Variants in TFEC observed in about 807,000 individuals in gnomAD.
TFEC encodes the protein class E basic helix-loop-helix protein 34.
Under a neutral mutation model 41.6 loss-of-function variants are expected in TFEC, and 31 were observed. The ratio of observed to expected loss-of-function variants is 0.74; its 90% CI spans 0.56 to 1.01. The LOEUF (loss-of-function observed/expected upper bound fraction) is 1.01, where lower values mean the gene tolerates loss of function less well. Ranked by LOEUF, TFEC falls within the 50% of genes least tolerant of loss-of-function variation. TFEC has a pLI of 0.00. For missense variants in TFEC, 402 were observed against 404.1 expected (o/e 0.99, Z 0.04); for synonymous variants, 143 against 140.6 (o/e 1.02, Z -0.12).
intron 3 of TFEC, chr7:115,968,266 C>T (rs1460682177): frequency 3.6e-5 from 55 of 1,528,818 alleles, no homozygotes; most frequent in Non-Finnish European, 4.7e-5. Context: ...TTTCCTTAAA[C>T]TTGCAAACAA....
intron 3 of TFEC, among the ~76,000 whole-genome samples, chr7:116,066,840 C>T (rs944458190): frequency 1.4e-4 from 21 of 151,932 alleles, no homozygotes; most frequent in African/African-American, 4.3e-4. Flanking sequence ...AAATTATTCC[C>T]TAGGCACCGT....
At chr7:116,074,517 C>A (rs941292692) in intron 3 of TFEC, among the ~76,000 whole-genome samples, 4 of 152,046 alleles carry the variant, frequency 2.6e-5, no homozygotes, top group Admixed American at 2.0e-4. Flanking sequence ...TGTTAAATGT[C>A]ATTAATCATT....
chr7:116,088,106 G>A (rs971933635), intron 3 of TFEC, among the ~76,000 whole-genome samples: 6 of 151,806 alleles, frequency 4.0e-5, no homozygotes, highest in African/African-American at 7.3e-5. Context: ...ACTATTTCCT[G>A]TGCCTAGAGT....
chr7:115,947,826 G>T (rs1343532392), intron 6 of TFEC, among the ~76,000 whole-genome samples: 3 of 151,770 alleles, frequency 2.0e-5, no homozygotes, highest in Non-Finnish European at 4.4e-5. Context: ...TTAGCCCTTT[G>T]TCAGAAGAGA....
At chr7:115,971,503 G>C (rs1793132899) in intron 3 of TFEC, among the ~76,000 whole-genome samples, 1 of 151,276 alleles carries the variant, frequency 6.6e-6, no homozygotes, top group South Asian at 2.1e-4. Flanking sequence ...TCTACCTTTT[G>C]GGGGGAAAAA....
At chr7:116,098,809 C>T (rs1797531488) in intron 3 of TFEC, among the ~76,000 whole-genome samples, 1 of 142,620 alleles carries the variant, frequency 7.0e-6, no homozygotes, top group South Asian at 2.2e-4. Flanking sequence ...CACCTTGATA[C>T]CAAAACCAGA....
At chr7:116,017,412 T>C (rs564906920) in intron 1 of TFEC, among the ~76,000 whole-genome samples, 33 of 152,174 alleles carry the variant, frequency 2.2e-4, no homozygotes, top group African/African-American at 7.2e-4. Flanking sequence ...TTCGTAGAGA[T>C]GGAGTTTCCC....
intron 3 of TFEC, among the ~76,000 whole-genome samples, chr7:116,083,841 A>G (rs926108804): frequency 1.3e-5 from 2 of 151,930 alleles, no homozygotes; most frequent in African/African-American, 4.8e-5. Context: ...TTACTTGGCC[A>G]TCAATACTGC....
At chr7:115,984,985 T>G (rs541969671) in intron 1 of TFEC, among the ~76,000 whole-genome samples, 2 of 152,078 alleles carry the variant, frequency 1.3e-5, no homozygotes, top group Non-Finnish European at 2.9e-5. Context: ...TAGAAATATA[T>G]GTACAAAATA....
At chr7:116,026,017 G>A (rs1191161172) in intron 1 of TFEC, among the ~76,000 whole-genome samples, 1 of 152,144 alleles carries the variant, frequency 6.6e-6, no homozygotes, top group East Asian at 1.9e-4. Flanking sequence ...TCTTCCAAAT[G>A]GCCAGAGCTG....
At chr7:115,957,755 T>C (rs889081894) in intron 3 of TFEC, among the ~76,000 whole-genome samples, 3 of 151,812 alleles carry the variant, frequency 2.0e-5, no homozygotes, top group African/African-American at 7.2e-5. Context: ...ATAAAACATA[T>C]AATAAAACAA....
chr7:116,090,603 C>T (rs965056309), intron 3 of TFEC, among the ~76,000 whole-genome samples: 1 of 151,964 alleles, frequency 6.6e-6, no homozygotes, highest in East Asian at 1.9e-4. Flanking sequence ...AATGAGGTCC[C>T]GTCACTTAGG....
intron 1 of TFEC, among the ~76,000 whole-genome samples, chr7:115,992,474 A>T (rs111403448): frequency 0.021 from 3,142 of 152,292 alleles, 102 homozygotes; most frequent in African/African-American, 0.071. Flanking sequence ...ACTGTTACAG[A>T]AGAAAAGACA....
At chr7:116,011,344 T>C (rs76579470) in intron 1 of TFEC, among the ~76,000 whole-genome samples, 20,628 of 152,128 alleles carry the variant, frequency 0.14, 1,532 homozygotes, top group Middle Eastern at 0.18. Flanking sequence ...TAATATCTCA[T>C]TTAATTTCAT....
At chr7:116,083,444 G>C (rs1248617886) in intron 3 of TFEC, among the ~76,000 whole-genome samples, 7 of 151,792 alleles carry the variant, frequency 4.6e-5, no homozygotes. Flanking sequence ...AAATATGTTA[G>C]GAATTTCTCA....
chr7:115,980,947 T>A (rs190087972), intron 2 of TFEC, among the ~76,000 whole-genome samples: 11 of 152,278 alleles, frequency 7.2e-5, no homozygotes, highest in Admixed American at 6.5e-4. Flanking sequence ...CATAATTGCA[T>A]AAGATTATAT....
chr7:116,018,579 G>C (rs1485946065), intron 1 of TFEC, among the ~76,000 whole-genome samples: 4 of 152,184 alleles, frequency 2.6e-5, no homozygotes, highest in Non-Finnish European at 2.9e-5. Flanking sequence ...TTCTACTTCT[G>C]TGAAAGAGGA....
chr7:116,149,860 G>A (rs999750779), intron 1 of TFEC, among the ~76,000 whole-genome samples: 4 of 151,980 alleles, frequency 2.6e-5, no homozygotes, highest in African/African-American at 4.8e-5. Flanking sequence ...AAAGAACTCC[G>A]AGACATTAAG....
At chr7:115,942,093 TAAG>T in intron 6 of TFEC, 53 bp from the exon 7 acceptor site, 1 of 1,511,476 alleles carries the variant, frequency 6.6e-7, no homozygotes, top group Non-Finnish European at 8.9e-7. Flanking sequence ...GCAGAATTCA[TAAG>T]AACTTACAAA....
Sources: allele counts gnomAD v4.1 joint callset (sites outside exome capture counted in the v4.1 genomes callset), GRCh38; gene constraint gnomAD v4.1.1; transcripts MANE v1.5; gene names NCBI Gene and HGNC (gene_info 2026-07-23, HGNC 2026-07-21).